The following PCCA variants were observed in gnomAD, a reference collection of about 807,000 sequenced individuals.
PCCA encodes the protein propionyl-CoA carboxylase alpha chain, mitochondrial.
A neutral mutation model predicts 101.3 loss-of-function variants in PCCA; 74 were observed. That is an observed-to-expected ratio of 0.73 (90% CI 0.61 to 0.89). The LOEUF is 0.89. Ranked by LOEUF, PCCA falls within the 40% of genes least tolerant of loss-of-function variation. PCCA has a pLI of 0.00. For synonymous variants in PCCA, 294 were observed against 313.6 expected (o/e 0.94, Z 0.66); for missense variants, 891 against 907.0 (o/e 0.98, Z 0.23).
In PCCA at chr13:100,268,445, T is replaced by G. The variant is rs933382569; in HGVS notation, c.820-244T>G. On this transcript the variant is annotated intron_variant, in intron 10 of 23. Coordinates refer to ENST00000376285, the MANE Select transcript of PCCA (RefSeq NM_000282.4). ...ACTGATTCTGATGTTTTACTCGTTG[T>G]ATTTGAAAGGTGATATGAACACTTT... 3 of 541,560 alleles carry G rather than the reference T, an allele frequency of 5.5e-6. No homozygotes were observed. The African/African-American group carries it at 5.7e-5, about 10-fold the overall frequency. 33.5% of individuals were successfully genotyped at this position (541,560 alleles called of 1,614,324 possible). A position where few individuals can be genotyped will look rare whatever the true frequency, so the allele number is the denominator to read the frequency against.
intron 18 of PCCA, among the ~76,000 whole-genome samples, chr13:100,351,000 C>G (rs1425943843): frequency 1.3e-5 from 2 of 152,188 alleles, no homozygotes; most frequent in Non-Finnish European, 1.5e-5. Context: ...GCATAGCATG[C>G]TTTCTTTAGG....
chr13:100,388,941 A>G (rs1046575746), intron 19 of PCCA, among the ~76,000 whole-genome samples: 14 of 152,238 alleles, frequency 9.2e-5, no homozygotes, highest in Admixed American at 8.5e-4. Context: ...GAATTTTGAC[A>G]TATTTATAGC....
intron 1 of PCCA, among the ~76,000 whole-genome samples, chr13:100,095,477 A>C (rs114989832): frequency 9.5e-4 from 144 of 152,344 alleles, no homozygotes; most frequent in African/African-American, 3.4e-3. Context: ...GAGAGTGAGA[A>C]GTGCTCTCGA....
chr13:100,478,096 A>G (rs1009580640), intron 21 of PCCA, among the ~76,000 whole-genome samples: 1 of 152,262 alleles, frequency 6.6e-6, no homozygotes, highest in Non-Finnish European at 1.5e-5. Flanking sequence ...TTGTTAGCTC[A>G]GAAGCCCGCA....
chr13:100,165,172 CTT>C lies in PCCA; in HGVS notation c.468+7836_468+7837del, dbSNP rs537889570. 2.2e-3 allele frequency among the ~76,000 whole-genome samples: 328 copies of C among 152,260 alleles called. 4 individuals are homozygous for C. Among genetic ancestry groups the C allele is most frequent in the Admixed American group, 0.019 (288 of 15,286 alleles). On this transcript the variant is annotated intron_variant, in intron 6 of 23. Transcript: ENST00000376285. ...TCTGTTTGGGTCCCTGCTTTTGCTT[CTT>C]TTTAGTATATAGCTAGGAGAGGAAT...
chr13:100,113,870 C>T lies in PCCA; in HGVS notation c.300+1809C>T, dbSNP rs569738613. ...CTGGGATTACAAGCGTGAGCCACCA[C>T]GCCCGGTTTACTCTTTGACTCTTTC... On this transcript the variant is annotated intron_variant, in intron 4 of 23. Transcript: ENST00000376285. Among the ~76,000 whole-genome samples the T allele has an allele frequency of 6.6e-5, 10 of 152,250 alleles. No individual in the cohort carries two copies. The East Asian group carries it at 7.7e-4, about 12-fold the overall frequency.
chr13:100,096,047 A>G (rs1199251279), intron 1 of PCCA, among the ~76,000 whole-genome samples: 1 of 152,228 alleles, frequency 6.6e-6, no homozygotes, highest in South Asian at 2.1e-4. Context: ...CAGACTTGGA[A>G]TGTATTTTGG....
chr13:100,102,932 G>C lies in PCCA; in HGVS notation c.155G>C (p.Gly52Ala), dbSNP rs755553674. 1.2e-6 allele frequency: 2 copies of C among 1,608,652 alleles called. No homozygotes were observed. Among genetic ancestry groups the C allele is most frequent in the African/African-American group, 2.7e-5 (2 of 74,810 alleles). The change falls in exon 2 of 24, where the codon GGT (glycine) becomes GCT (alanine). Residue 52 changes from glycine (G) to alanine (A), a missense_variant. Transcript: ENST00000376285. The part of the protein sequence containing the change: ...RQCLMVSRNL[G>A]SVGYDPNEKT... ...TGCTTAATGGTGTCCCGTAATCTTG[G>C]TTCAGTGGGATATGATCCTAATGAA...
chr13:100,323,998 T>C (rs1432090546), intron 16 of PCCA, among the ~76,000 whole-genome samples: 3 of 152,212 alleles, frequency 2.0e-5, no homozygotes, highest in Admixed American at 6.5e-5. Context: ...ACTTGAATAG[T>C]AAAATCAGAA....
intron 6 of PCCA, chr13:100,198,412 T>C (rs1030187930): frequency 1.3e-5 from 2 of 152,248 alleles, no homozygotes; most frequent in African/African-American, 4.8e-5. Flanking sequence ...GTTCCTGTTC[T>C]GGCTGTCCAT....
intron 6 of PCCA, among the ~76,000 whole-genome samples, chr13:100,178,547 C>G (rs1042419440): frequency 2.0e-5 from 3 of 152,136 alleles, no homozygotes; most frequent in Non-Finnish European, 4.4e-5. Flanking sequence ...AGTTGTGCTT[C>G]AGCACTGGCT....
At chr13:100,418,427 C>T (rs1319263960) in intron 19 of PCCA, among the ~76,000 whole-genome samples, 1 of 152,218 alleles carries the variant, frequency 6.6e-6, no homozygotes, top group Non-Finnish European at 1.5e-5. Context: ...GTCCCACGCT[C>T]CTGCTGCAGC....
chr13:100,201,857 CAAAAAAAAAAAA>C (rs55669622), intron 6 of PCCA, among the ~76,000 whole-genome samples: 9 of 60,732 alleles, frequency 1.5e-4, no homozygotes, highest in Admixed American at 8.4e-4. Flanking sequence ...AACTGCGTCT[CAAAAAAAAAAAA>C]AAAAAAAAAA....
intron 7 of PCCA, among the ~76,000 whole-genome samples, chr13:100,211,167 A>G (rs1361570344): frequency 6.6e-6 from 1 of 152,216 alleles, no homozygotes; most frequent in Non-Finnish European, 1.5e-5. Context: ...GATACACATG[A>G]TCTGCGTATC....
intron 4 of PCCA, among the ~76,000 whole-genome samples, chr13:100,135,992 G>C (rs1341993587): frequency 6.6e-6 from 1 of 151,924 alleles, no homozygotes; most frequent in Non-Finnish European, 1.5e-5. Flanking sequence ...CATTTTGGTT[G>C]TGGTGTATTG....
intron 12 of PCCA, among the ~76,000 whole-genome samples, chr13:100,286,568 CAT>C (rs2064682862): frequency 2.0e-5 from 3 of 152,176 alleles, no homozygotes; most frequent in African/African-American, 4.8e-5. Flanking sequence ...AACATATTGA[CAT>C]ATTAATTCTT....
chr13:100,370,363 G>A (rs866524765), intron 19 of PCCA, among the ~76,000 whole-genome samples: 1 of 152,070 alleles, frequency 6.6e-6, no homozygotes, highest in African/African-American at 2.4e-5. Flanking sequence ...GGGATCACAG[G>A]CGAGCGTTGC....
chr13:100,380,821 A>C (rs1005259270), intron 19 of PCCA, among the ~76,000 whole-genome samples: 3 of 152,232 alleles, frequency 2.0e-5, no homozygotes, highest in Non-Finnish European at 2.9e-5. Flanking sequence ...GAATGGGAAA[A>C]AATATTTGCA....
At chr13:100,336,387 C>T (rs1291301422) in intron 17 of PCCA, among the ~76,000 whole-genome samples, 1 of 152,162 alleles carries the variant, frequency 6.6e-6, no homozygotes, top group African/African-American at 2.4e-5. Context: ...ACAGGTCAGG[C>T]TTCTTGAAAA....
Sources: gnomAD v4.1 joint callset for allele counts (sites outside exome capture counted in the v4.1 genomes callset) on GRCh38, gnomAD v4.1.1 for gene constraint, MANE v1.5 for transcripts, NCBI Gene and HGNC (gene_info 2026-07-23, HGNC 2026-07-21) for gene names.